Variants in COL5A2 observed in about 807,000 individuals in gnomAD.
COL5A2 encodes collagen type V alpha 2 chain, also known as collagen alpha-2(V) chain.
Under a neutral mutation model 208.2 loss-of-function variants are expected in COL5A2, and 23 were observed. The observed-to-expected ratio is 0.11, with a 90% CI of 0.08 to 0.16. The LOEUF is 0.16. COL5A2 is among the 10% of genes least tolerant of loss of function. The pLI, the probability that COL5A2 is intolerant of heterozygous loss-of-function variation, is 1.00. For missense variants in COL5A2, 1,590 were observed against 1,956.4 expected (o/e 0.81, Z 3.53); for synonymous variants, 625 against 628.5 (o/e 0.99, Z 0.08).
chr2:189,262,282 C>G, the COL5A2 span, among the ~76,000 whole-genome samples: 8 of 152,052 alleles, frequency 5.3e-5, no homozygotes, highest in Admixed American at 1.3e-4. Context: ...CCAAACCCTA[C>G]CTTCAGTTTT....
chr2:189,051,653 A>G (rs1022511731), intron 41 of COL5A2, among the ~76,000 whole-genome samples, 172 bp from the exon 42 acceptor site: 4 of 151,916 alleles, frequency 2.6e-5, no homozygotes, highest in Non-Finnish European at 5.9e-5. Flanking sequence ...AAAAGAAAAC[A>G]CAGCTGTAGA....
the COL5A2 span, among the ~76,000 whole-genome samples, chr2:189,423,978 A>C: frequency 6.6e-6 from 1 of 152,188 alleles, no homozygotes; most frequent in African/African-American, 2.4e-5. Flanking sequence ...CAAATTAAAT[A>C]GTATCTTAAA....
intron 11 of COL5A2, among the ~76,000 whole-genome samples, chr2:189,084,942 G>A (rs1686619610): frequency 6.6e-6 from 1 of 152,148 alleles, no homozygotes; most frequent in African/African-American, 2.4e-5. Context: ...GGGAATTCAG[G>A]AAGAGACAGT....
At chr2:189,330,956 G>A in the COL5A2 span, among the ~76,000 whole-genome samples, 1 of 152,154 alleles carries the variant, frequency 6.6e-6, no homozygotes, top group Non-Finnish European at 1.5e-5. Context: ...AAGGAAAGTA[G>A]TTAATACAAG....
At chr2:189,375,750 T>C in the COL5A2 span, among the ~76,000 whole-genome samples, 1 of 152,174 alleles carries the variant, frequency 6.6e-6, no homozygotes, top group Non-Finnish European at 1.5e-5. Context: ...TATTTGAAAA[T>C]AATTATTTAG....
the COL5A2 span, among the ~76,000 whole-genome samples, chr2:189,303,313 T>C: frequency 7.4e-4 from 113 of 152,322 alleles, no homozygotes; most frequent in African/African-American, 2.6e-3. Context: ...TCATTTCTTT[T>C]ATATAAAAGC....
the COL5A2 span, among the ~76,000 whole-genome samples, chr2:189,326,323 G>A: frequency 6.6e-6 from 1 of 152,016 alleles, no homozygotes; most frequent in African/African-American, 2.4e-5. Flanking sequence ...GGTGGGGAGG[G>A]AAGCAGCTTC....
upstream of COL5A2, among the ~76,000 whole-genome samples, chr2:189,228,152 G>A (rs1440447543): frequency 6.6e-6 from 1 of 151,854 alleles, no homozygotes; most frequent in Non-Finnish European, 1.5e-5. Context: ...AAAGTTATGG[G>A]ATGCAGCAAA....
intron 1 of COL5A2, among the ~76,000 whole-genome samples, chr2:189,165,443 C>A (rs192010643): frequency 6.6e-6 from 1 of 152,314 alleles, no homozygotes; most frequent in African/African-American, 2.4e-5. Flanking sequence ...CTCCCTTATC[C>A]TTCCTCCTAT....
At chr2:189,388,521 G>C in the COL5A2 span, among the ~76,000 whole-genome samples, 169 of 152,300 alleles carry the variant, frequency 1.1e-3, no homozygotes, top group African/African-American at 3.7e-3. Flanking sequence ...GCACGTACTT[G>C]CAAGCCAAGA....
At chr2:189,071,342 C>G (rs1686269269) in intron 18 of COL5A2, among the ~76,000 whole-genome samples, 1 of 152,146 alleles carries the variant, frequency 6.6e-6, no homozygotes, top group African/African-American at 2.4e-5. Context: ...TGTTATATTG[C>G]TTACAATTTG....
At chr2:189,162,553 G>A (rs182121611) in intron 1 of COL5A2, among the ~76,000 whole-genome samples, 9 of 152,244 alleles carry the variant, frequency 5.9e-5, no homozygotes, top group East Asian at 5.8e-4. Context: ...AGTGCTTTAC[G>A]ATGACCAAAG....
intron 30 of COL5A2, 34 bp downstream of exon 30, chr2:189,061,528 G>T: frequency 6.6e-7 from 1 of 1,509,248 alleles, no homozygotes; most frequent in Non-Finnish European, 9.2e-7. Flanking sequence ...TTTAGTTAAT[G>T]GAAGATGAAA....
At chr2:189,415,573 C>A in the COL5A2 span, among the ~76,000 whole-genome samples, 1 of 152,092 alleles carries the variant, frequency 6.6e-6, no homozygotes, top group Non-Finnish European at 1.5e-5. Flanking sequence ...CCTTTAATTT[C>A]TATTGGTCCT....
the COL5A2 span, among the ~76,000 whole-genome samples, chr2:189,365,793 G>A: frequency 6.6e-6 from 1 of 152,232 alleles, no homozygotes. Context: ...TGGATTGATG[G>A]TTTGCATCTG....
At chr2:189,218,149 T>C (rs1356160) in intron 1 of COL5A2, among the ~76,000 whole-genome samples, 1 of 152,210 alleles carries the variant, frequency 6.6e-6, no homozygotes, top group African/African-American at 2.4e-5. Context: ...TTCTAACTAA[T>C]AATAACAGAT....
chr2:189,085,796 A>G (rs777617991), intron 9 of COL5A2, 24 bp from the exon 10 acceptor site: 16 of 1,587,868 alleles, frequency 1.0e-5, no homozygotes, highest in Non-Finnish European at 1.4e-5. Flanking sequence ...CAAAGTATAT[A>G]TACAAACCAA....
intron 47 of COL5A2, 143 bp downstream of exon 47, chr2:189,045,036 G>T (rs1192154846): frequency 1.9e-6 from 1 of 515,334 alleles, no homozygotes; most frequent in Non-Finnish European, 3.4e-6. Flanking sequence ...AAAAATAAGA[G>T]TAAACTTATA....
At chr2:189,368,922 A>G in the COL5A2 span, among the ~76,000 whole-genome samples, 1 of 152,202 alleles carries the variant, frequency 6.6e-6, no homozygotes, top group Admixed American at 6.5e-5. Context: ...GAGAAGTTCC[A>G]TCCTTCTAAA....
Sources: allele counts gnomAD v4.1 joint callset (sites outside exome capture counted in the v4.1 genomes callset), GRCh38; gene constraint gnomAD v4.1.1; transcripts MANE v1.5; gene names NCBI Gene and HGNC (gene_info 2026-07-23, HGNC 2026-07-21).